The following TPRG1 variants were observed in gnomAD, a reference collection of about 807,000 sequenced individuals.
TPRG1 encodes tumor protein p63 regulated 1, also known as tumor protein p63-regulated gene 1 protein.
A neutral mutation model predicts 29.3 loss-of-function variants in TPRG1; 29 were observed. The observed-to-expected ratio is 0.99, with a 90% CI of 0.74 to 1.35. TPRG1 has a LOEUF of 1.35. Ranked by LOEUF, TPRG1 falls within the 40% of genes most tolerant of loss-of-function variation. The pLI is 0.00. For synonymous variants in TPRG1, 130 were observed against 116.8 expected, an observed-to-expected ratio of 1.11 and a Z score of -0.73; for missense variants, 327 against 335.0, an observed-to-expected ratio of 0.98 and a Z score of 0.19.
At chr3:189,030,840 G>A (rs542308764) in intron 4 of TPRG1, among the ~76,000 whole-genome samples, 1 of 152,258 alleles carries the variant, frequency 6.6e-6, no homozygotes, top group South Asian at 2.1e-4. Flanking sequence ...TTACAGATGA[G>A]GAAACTGGGA....
intron 3 of TPRG1, among the ~76,000 whole-genome samples, chr3:189,237,746 T>G (rs1739760943): frequency 6.6e-6 from 1 of 152,200 alleles, no homozygotes; most frequent in Non-Finnish European, 1.5e-5. Context: ...GGTTACTGTG[T>G]GGAGAATGGT....
chr3:189,152,941 A>G (rs2108606075), intron 5 of TPRG1, among the ~76,000 whole-genome samples: 1 of 152,204 alleles, frequency 6.6e-6, no homozygotes, highest in East Asian at 1.9e-4. Flanking sequence ...CGCCATTATT[A>G]TTAAAAAGTA....
chr3:189,204,379 T>C (rs1187290479), intron 1 of TPRG1, among the ~76,000 whole-genome samples: 1 of 151,686 alleles, frequency 6.6e-6, no homozygotes. Flanking sequence ...AGAAATAGAG[T>C]GGAATGTGTA....
chr3:189,054,638 CCGGGTG>C (rs1715540699), intron 4 of TPRG1, among the ~76,000 whole-genome samples: 2 of 151,836 alleles, frequency 1.3e-5, no homozygotes, highest in East Asian at 3.9e-4. Context: ...CACACAAAAG[CCGGGTG>C]TGGTGGTACC....
In TPRG1 at chr3:189,159,834, T is replaced by G. The variant is rs1007572729; in HGVS notation, c.-10+8962T>G. Among the ~76,000 whole-genome samples the G allele has an allele frequency of 1.4e-4, 13 of 95,404 alleles. 1 individual carries two copies. The highest frequency in any genetic ancestry group is 2.6e-4 in the Non-Finnish European group (12 of 45,544). The allele number at this position is 95,404 out of a possible 152,430, so 62.6% of individuals were successfully genotyped here. ...GGTAGATAATGCTTTCATGGAGTGTTTGTGTATGTGTGTGTGTGTGTGTGT... is the reference window on the plus strand; with the variant it reads ...GGTAGATAATGCTTTCATGGAGTGTGTGTGTATGTGTGTGTGTGTGTGTGT... On this transcript the variant is annotated intron_variant, in intron 5 of 6. Coordinates refer to the TPRG1 transcript ENST00000412373.
chr3:189,311,730 T>A (rs1722523193), intron 5 of TPRG1, among the ~76,000 whole-genome samples: 2 of 152,262 alleles, frequency 1.3e-5, no homozygotes, highest in South Asian at 4.2e-4. Flanking sequence ...ACTAGCTTGG[T>A]ATATGGATCA....
chr3:189,097,270 A>G (rs1718741085), upstream of TPRG1, among the ~76,000 whole-genome samples: 1 of 152,222 alleles, frequency 6.6e-6, no homozygotes, highest in Non-Finnish European at 1.5e-5. Flanking sequence ...CTAATTTTTT[A>G]TTGAAAGCTT....
chr3:189,005,955 GCAA>G (rs1192994610), intron 3 of TPRG1, among the ~76,000 whole-genome samples: 1 of 152,026 alleles, frequency 6.6e-6, no homozygotes, highest in Non-Finnish European at 1.5e-5. Flanking sequence ...TGGATAAACA[GCAA>G]CAACAGCAGT....
chr3:189,295,965 T>G (rs1576993509), intron 4 of TPRG1, among the ~76,000 whole-genome samples: 1 of 150,150 alleles, frequency 6.7e-6, no homozygotes, highest in South Asian at 2.1e-4. Context: ...TTGACCAGGA[T>G]AGGAGTTTGC....
chr3:189,118,788 A>G (rs900164316), intron 1 of TPRG1, among the ~76,000 whole-genome samples: 1 of 152,218 alleles, frequency 6.6e-6, no homozygotes, highest in Non-Finnish European at 1.5e-5. Context: ...ACCTCTGTCT[A>G]GACTTCAGAG....
chr3:189,118,593 C>T (rs1435531773), intron 1 of TPRG1, among the ~76,000 whole-genome samples: 1 of 152,118 alleles, frequency 6.6e-6, no homozygotes, highest in African/African-American at 2.4e-5. Flanking sequence ...GCCCAGGGAC[C>T]CCTGCAGCCT....
intron 1 of TPRG1, among the ~76,000 whole-genome samples, chr3:189,111,032 G>A (rs1720449732): frequency 6.6e-6 from 1 of 151,666 alleles, no homozygotes; most frequent in Non-Finnish European, 1.5e-5. Context: ...TTTTTGCTTT[G>A]AAAAATATTC....
intron 3 of TPRG1, among the ~76,000 whole-genome samples, chr3:189,135,447 A>C (rs529191407): frequency 6.6e-6 from 1 of 152,178 alleles, no homozygotes; most frequent in Non-Finnish European, 1.5e-5. Flanking sequence ...TGGCATTGCT[A>C]TCTATTTAGT....
chr3:189,007,813 C>T (rs1193031131), intron 3 of TPRG1, among the ~76,000 whole-genome samples: 14 of 139,484 alleles, frequency 1.0e-4, no homozygotes, highest in South Asian at 4.6e-4. Context: ...AACCAAACAC[C>T]GCATATTCTC....
chr3:189,293,470 C>A (rs768782969), intron 4 of TPRG1, among the ~76,000 whole-genome samples: 1 of 152,022 alleles, frequency 6.6e-6, no homozygotes, highest in African/African-American at 2.4e-5. Context: ...AAAGGTGTGG[C>A]GGGAAAGGGA....
chr3:189,070,203 G>A (rs1716725928), intron 4 of TPRG1, among the ~76,000 whole-genome samples: 1 of 152,224 alleles, frequency 6.6e-6, no homozygotes. Context: ...TAACGCTTAT[G>A]AAATGACAAA....
intron 4 of TPRG1, among the ~76,000 whole-genome samples, chr3:189,276,442 A>G (rs922930955): frequency 6.6e-6 from 1 of 152,190 alleles, no homozygotes; most frequent in Non-Finnish European, 1.5e-5. Flanking sequence ...TGTGAAATTT[A>G]GTGTTGAGTG....
At chr3:189,266,710 C>A (rs555433786) in intron 4 of TPRG1, among the ~76,000 whole-genome samples, 5 of 151,558 alleles carry the variant, frequency 3.3e-5, no homozygotes, top group South Asian at 4.2e-4. Context: ...TAAATGGCTC[C>A]CTAAAACACC....
chr3:189,284,970 A>G (rs1717802596), intron 4 of TPRG1, among the ~76,000 whole-genome samples: 1 of 152,248 alleles, frequency 6.6e-6, no homozygotes, highest in Non-Finnish European at 1.5e-5. Context: ...GCTTCTGCAC[A>G]GCAAAAGAAA....
Sources: allele counts gnomAD v4.1 joint callset (sites outside exome capture counted in the v4.1 genomes callset), GRCh38; gene constraint gnomAD v4.1.1; transcripts MANE v1.5; gene names NCBI Gene and HGNC (gene_info 2026-07-23, HGNC 2026-07-21).